The following PEBP4 variants were observed in gnomAD, a reference collection of about 807,000 sequenced individuals.
PEBP4 encodes the protein phosphatidylethanolamine-binding protein 4.
Under a neutral mutation model 23.9 loss-of-function variants are expected in PEBP4, and 22 were observed. The ratio of observed to expected loss-of-function variants is 0.92; its 90% CI spans 0.66 to 1.31. The LOEUF is 1.31. PEBP4 is among the 40% of genes most tolerant of loss of function. The pLI is 0.00. For missense variants in PEBP4, 324 were observed against 281.7 expected (o/e 1.15, Z -1.07); for synonymous variants, 112 against 99.3 (o/e 1.13, Z -0.76).
intron 3 of PEBP4, among the ~76,000 whole-genome samples, chr8:22,822,660 A>AATAATATTAATAATATTATTAT: frequency 1.3e-5 from 2 of 152,252 alleles, no homozygotes; most frequent in South Asian, 2.1e-4. Flanking sequence ...TACTTTCTAC[A>AATAATATTAATAATATTATTAT]TATTAATAAT....
In PEBP4 at chr8:22,898,389, CCCAAAAAAAAAAAA is replaced by C. The variant is rs1563253475; in HGVS notation, c.258+21781_258+21794del. On this transcript the variant is annotated intron_variant, in intron 3 of 6. Transcript: ENST00000256404. The stretch of plus-strand genomic sequence containing the variant: ...CCTGAGCGACAGAGGAAGACTCCAC[CCCAAAAAAAAAAAA>C]AAAAAAAAAAAAAAAAAAAAAAAAA... Among the ~76,000 whole-genome samples, 107 of 86,680 alleles carry C rather than the reference CCCAAAAAAAAAAAA, an allele frequency of 1.2e-3. 1 individual carries two copies. Among genetic ancestry groups the C allele is most frequent in the African/African-American group, 4.1e-3 (93 of 22,622 alleles). 56.9% of individuals were successfully genotyped at this position (86,680 alleles called of 152,430 possible).
chr8:22,746,210 C>T (rs1805113288), intron 4 of PEBP4, among the ~76,000 whole-genome samples: 1 of 152,088 alleles, frequency 6.6e-6, no homozygotes, highest in African/African-American at 2.4e-5. Context: ...CTGCCCCAGG[C>T]CCAGTGGAAC....
At chr8:22,890,576 C>T (rs1219590143) in intron 3 of PEBP4, among the ~76,000 whole-genome samples, 1 of 152,228 alleles carries the variant, frequency 6.6e-6, no homozygotes, top group Non-Finnish European at 1.5e-5. Context: ...TGGGGCACAC[C>T]TTCATAGTGG....
intron 3 of PEBP4, among the ~76,000 whole-genome samples, chr8:22,820,636 C>A (rs987563097): frequency 7.2e-5 from 11 of 152,238 alleles, no homozygotes; most frequent in Non-Finnish European, 1.5e-4. Flanking sequence ...GTCTTTTGAG[C>A]TTGATCTCAA....
chr8:22,772,493 C>CTTTTTTTTT (rs34489811), intron 4 of PEBP4, among the ~76,000 whole-genome samples: 1 of 121,630 alleles, frequency 8.2e-6, no homozygotes, highest in South Asian at 3.0e-4. Context: ...CTCTCTCTCT[C>CTTTTTTTTT]TTTTTTTTTT....
intron 4 of PEBP4, 98 bp downstream of exon 4, chr8:22,817,539 G>T: frequency 1.7e-6 from 2 of 1,164,656 alleles, no homozygotes; most frequent in Non-Finnish European, 2.5e-6. Flanking sequence ...AGAAGTCCTC[G>T]CTCCAACCTT....
chr8:22,835,119 C>G (rs147527270), intron 3 of PEBP4, among the ~76,000 whole-genome samples: 1 of 152,264 alleles, frequency 6.6e-6, no homozygotes, highest in African/African-American at 2.4e-5. Context: ...TGGATTCCAG[C>G]CCCAGTTCTA....
chr8:22,814,856 A>T (rs1806704727), intron 4 of PEBP4, among the ~76,000 whole-genome samples: 1 of 152,172 alleles, frequency 6.6e-6, no homozygotes, highest in Non-Finnish European at 1.5e-5. Context: ...CCCATAAAGG[A>T]TAGTTAGAAA....
chr8:22,924,176 T>C (rs1477041351), intron 2 of PEBP4, among the ~76,000 whole-genome samples: 1 of 152,116 alleles, frequency 6.6e-6, no homozygotes, highest in Non-Finnish European at 1.5e-5. Flanking sequence ...CAGCCTGGAC[T>C]ACATACCGAG....
At chr8:22,774,351 C>T (rs755885718) in intron 4 of PEBP4, among the ~76,000 whole-genome samples, 4 of 152,166 alleles carry the variant, frequency 2.6e-5, no homozygotes, top group East Asian at 1.9e-4. Context: ...AGAGCAGCTG[C>T]GTTTAAGAAG....
At chr8:22,877,937 G>A (rs979385928) in intron 3 of PEBP4, 2 of 150,392 alleles carry the variant, frequency 1.3e-5, no homozygotes, top group African/African-American at 4.9e-5. Flanking sequence ...CGCGTGCGCA[G>A]ACACACACAC....
chr8:22,797,535 T>C (rs1389738890), intron 4 of PEBP4, among the ~76,000 whole-genome samples: 1 of 152,046 alleles, frequency 6.6e-6, no homozygotes, highest in African/African-American at 2.4e-5. Flanking sequence ...TAACTTCGTT[T>C]TGGGAGAGAA....
rs539156018 is a variant in PEBP4, at chr8:22,717,929, C to T, written c.518-4393G>A. 1.6e-4 allele frequency among the ~76,000 whole-genome samples: 25 copies of T among 152,222 alleles called. No individual in the cohort carries two copies. In the South Asian group the frequency reaches 4.1e-3, roughly 25 times the overall value. The stretch of plus-strand genomic sequence containing the variant: ...GATAGAAGCACTGATACCTTTCTGC[C>T]GAGATTAATGATGTCCCGGCGGTGG... On this transcript the variant is annotated intron_variant, in intron 6 of 6. Transcript: ENST00000256404.
At chr8:22,767,615 T>C (rs952357202) in intron 4 of PEBP4, among the ~76,000 whole-genome samples, 1 of 151,828 alleles carries the variant, frequency 6.6e-6, no homozygotes, top group Non-Finnish European at 1.5e-5. Flanking sequence ...CGGGGGTATA[T>C]GGATGGGGAG....
chr8:22,908,317 A>G (rs945601463), intron 3 of PEBP4, among the ~76,000 whole-genome samples: 3 of 152,126 alleles, frequency 2.0e-5, no homozygotes, highest in African/African-American at 7.2e-5. Context: ...TGAGAGCCAG[A>G]AAGAGTGAAA....
intron 4 of PEBP4, among the ~76,000 whole-genome samples, chr8:22,763,013 T>C (rs1805541360): frequency 6.6e-6 from 1 of 151,922 alleles, no homozygotes; most frequent in African/African-American, 2.4e-5. Flanking sequence ...AAGAAGTCTT[T>C]TTTTTTTTTG....
intron 3 of PEBP4, among the ~76,000 whole-genome samples, chr8:22,890,968 A>T (rs565431337): frequency 6.6e-6 from 1 of 152,286 alleles, no homozygotes; most frequent in African/African-American, 2.4e-5. Flanking sequence ...AGCTGAGATT[A>T]CAGGTGTGCA....
intron 4 of PEBP4, among the ~76,000 whole-genome samples, chr8:22,766,968 G>A (rs1293773857): frequency 2.6e-5 from 4 of 152,212 alleles, no homozygotes; most frequent in Admixed American, 1.3e-4. Context: ...GACAAAGTGG[G>A]GGCTGACAAT....
At chr8:22,774,150 G>A (rs1805770362) in intron 4 of PEBP4, among the ~76,000 whole-genome samples, 1 of 152,250 alleles carries the variant, frequency 6.6e-6, no homozygotes, top group Admixed American at 6.5e-5. Flanking sequence ...GAAGGAAGGA[G>A]GCCAGGGCTT....
Sources: allele counts gnomAD v4.1 joint callset (sites outside exome capture counted in the v4.1 genomes callset), GRCh38; gene constraint gnomAD v4.1.1; transcripts MANE v1.5; gene names NCBI Gene and HGNC (gene_info 2026-07-23, HGNC 2026-07-21).